IYD: variants seen among roughly 807,000 people sequenced by gnomAD.
IYD encodes the protein iodotyrosine deiodinase.
A neutral mutation model predicts 28.4 loss-of-function variants in IYD; 25 were observed. The ratio of observed to expected loss-of-function variants is 0.88; its 90% CI spans 0.64 to 1.23. The LOEUF is 1.23. IYD is among the 50% of genes most tolerant of loss of function. IYD has a pLI of 0.00. For missense variants in IYD, 352 were observed against 357.9 expected (o/e 0.98, Z 0.13); for synonymous variants, 140 against 130.8 (o/e 1.07, Z -0.48).
In IYD at chr6:150,401,926, C is replaced by A. The variant is rs1778520898; in HGVS notation, c.*3689C>A. On this transcript the variant is annotated 3_prime_UTR_variant, in exon 5 of 5. Coordinates refer to ENST00000344419, the MANE Select transcript of IYD (RefSeq NM_203395.3). ...CCATGGTCCTCATACTTGCTGGCAT[C>A]CCTCATCTGGTGGTCTGTTAAAGCA... is the stretch of plus-strand genomic sequence containing the variant. 2.6e-5 allele frequency: 4 copies of A among 152,196 alleles called. No individual in the cohort carries two copies. Among genetic ancestry groups the A allele is most frequent in the African/African-American group, 7.2e-5 (3 of 41,456 alleles). 9.4% of individuals were successfully genotyped at this position (152,196 alleles called of 1,614,324 possible).
intron 4 of IYD, among the ~76,000 whole-genome samples, chr6:150,397,476 G>A (rs1778362194): frequency 6.6e-6 from 1 of 151,570 alleles, no homozygotes; most frequent in Non-Finnish European, 1.5e-5. Flanking sequence ...AGACTGAGGT[G>A]GGAGGATGGC....
intron 4 of IYD, chr6:150,396,936 A>T (rs1778346320): frequency 6.6e-6 from 1 of 152,396 alleles, no homozygotes; most frequent in African/African-American, 2.4e-5. Context: ...TGAAGATATG[A>T]TCAAGGAGAA....
intron 1 of IYD, among the ~76,000 whole-genome samples, chr6:150,371,092 A>G (rs1777223174): frequency 6.6e-6 from 1 of 152,248 alleles, no homozygotes; most frequent in Admixed American, 6.5e-5. Context: ...CATGCGGTTA[A>G]GAGGAACTGT....
rs138379861 is a variant in IYD, at chr6:150,380,707, T to G, written c.179-8645T>G. On this transcript the variant is annotated intron_variant, in intron 1 of 4. Transcript: ENST00000344419. The stretch of plus-strand genomic sequence containing the variant: ...CCCCCGATTTCCTCTATGTGTTTTC[T>G]TCTTCCACCTCACACCAATTTATCT... Among the ~76,000 whole-genome samples, 4 of 151,558 alleles carry G rather than the reference T, an allele frequency of 2.6e-5. No homozygotes were observed. In the East Asian group the frequency reaches 7.7e-4, roughly 29 times the overall value.
intron 4 of IYD, chr6:150,396,921 C>T (rs1778345137): frequency 6.6e-6 from 1 of 151,508 alleles, no homozygotes; most frequent in African/African-American, 2.4e-5. Context: ...AGTTCAAATA[C>T]TATGTGAAGA....
chr6:150,375,642 C>G (rs1777419283), intron 1 of IYD, among the ~76,000 whole-genome samples: 1 of 151,690 alleles, frequency 6.6e-6, no homozygotes, highest in Non-Finnish European at 1.5e-5. Flanking sequence ...TTGATTATAA[C>G]TACTTCTGTC....
intron 1 of IYD, among the ~76,000 whole-genome samples, chr6:150,377,259 A>G (rs763528244): frequency 3.9e-5 from 6 of 152,186 alleles, no homozygotes; most frequent in Non-Finnish European, 8.8e-5. Flanking sequence ...AATAATCCCT[A>G]GTGGCTCCAC....
intron 1 of IYD, 31 bp downstream of exon 1, chr6:150,369,240 G>A (rs922253795): frequency 7.5e-6 from 12 of 1,603,238 alleles, no homozygotes; most frequent in South Asian, 3.3e-5. Flanking sequence ...GCTTAGCTTC[G>A]CTGTCGTGTT....
chr6:150,390,297 G>T (rs1055093399), intron 2 of IYD, among the ~76,000 whole-genome samples: 1 of 152,126 alleles, frequency 6.6e-6, no homozygotes, highest in Non-Finnish European at 1.5e-5. Context: ...AGATTGTTGA[G>T]TCCTTAGCCT....
chr6:150,400,157 G>A lies in IYD; in HGVS notation c.*1920G>A, dbSNP rs1329180616. ...TCCTGTGGCTCAGGGGCAGCTGCAG[G>A]GCCAGATGGAGTTGGCCTGCAGGGA... On this transcript the variant is annotated 3_prime_UTR_variant, in exon 5 of 5. Transcript: ENST00000344419. The A allele has an allele frequency of 6.6e-6, 1 of 152,160 alleles. No individual in the cohort carries two copies. The highest frequency in any genetic ancestry group is 2.4e-5 in the African/African-American group (1 of 41,442). 9.4% of individuals were successfully genotyped at this position (152,160 alleles called of 1,614,324 possible). A position where few individuals can be genotyped will look rare whatever the true frequency, so the allele number is the denominator to read the frequency against.
At chr6:150,388,627 T>TTTTCTTTCTTTC (rs1178891144) in intron 1 of IYD, among the ~76,000 whole-genome samples, 5,923 of 128,950 alleles carry the variant, frequency 0.046, 192 homozygotes, top group Middle Eastern at 0.06. Flanking sequence ...GTCTGGAGTT[T>TTTTCTTTCTTTC]TTGCTTTCTT....
intron 1 of IYD, among the ~76,000 whole-genome samples, chr6:150,382,041 C>T (rs1777663266): frequency 6.6e-6 from 1 of 152,136 alleles, no homozygotes; most frequent in South Asian, 2.1e-4. Context: ...CCACGCAGAT[C>T]CCCCCTTGAG....
chr6:150,370,183 G>A (rs1476015830), intron 1 of IYD, among the ~76,000 whole-genome samples: 1 of 151,942 alleles, frequency 6.6e-6, no homozygotes, highest in African/African-American at 2.4e-5. Context: ...GTATGTGTGT[G>A]AGAGTGTGTG....
At chr6:150,370,125 C>T (rs1255936773) in intron 1 of IYD, 2 of 682,948 alleles carry the variant, frequency 2.9e-6, no homozygotes, top group Admixed American at 2.1e-5. Context: ...GCTAATGATG[C>T]CCCCATCCCC....
Position 150,398,400 on chromosome 6 carries a change from T to C in IYD, c.*163T>C, listed in dbSNP as rs1388867847. The C allele has an allele frequency of 4.7e-6, 3 of 634,276 alleles. No individual in the cohort carries two copies. Among genetic ancestry groups the C allele is most frequent in the Middle Eastern group, 8.4e-4 (2 of 2,382 alleles). 39.3% of individuals were successfully genotyped at this position (634,276 alleles called of 1,614,324 possible). ...TATGTCAAGAAGCCTCTCCACACTCTGTGGCACTTCCAGTCCCATAAATCC... is the reference window on the plus strand; with the variant it reads ...TATGTCAAGAAGCCTCTCCACACTCCGTGGCACTTCCAGTCCCATAAATCC... On this transcript the variant is annotated 3_prime_UTR_variant, in exon 5 of 5. Coordinates refer to ENST00000344419, the MANE Select transcript of IYD (RefSeq NM_203395.3).
chr6:150,371,037 G>T lies in IYD; in HGVS notation c.178+1828G>T, dbSNP rs764702548. Among the ~76,000 whole-genome samples, 215 of 152,332 alleles carry T rather than the reference G, an allele frequency of 1.4e-3. 1 individual carries two copies. The highest frequency in any genetic ancestry group is 9.3e-4 in the Non-Finnish European group (63 of 68,036). The stretch of plus-strand genomic sequence containing the variant: ...CCTGGAGAAATAATGAATCCACAAA[G>T]TGGGCATTGCTAGAGAGAAGGCTGA... On this transcript the variant is annotated intron_variant, in intron 1 of 4. Transcript: ENST00000344419.
chr6:150,398,686 CTT>C lies in IYD; in HGVS notation c.*460_*461del, dbSNP rs61597872. The C allele has an allele frequency of 0.16, 23,366 of 150,608 alleles. 3,495 individuals are homozygous for C. The highest frequency in any genetic ancestry group is 0.38 in the African/African-American group (15,412 of 40,568). The allele number at this position is 150,608 out of a possible 1,614,324, so 9.3% of individuals were successfully genotyped here. A position where few individuals can be genotyped will look rare whatever the true frequency, so the allele number is the denominator to read the frequency against. Reference sequence around the variant, plus strand: ...TTTAGACACTAATTTTTGAGAACTACTTTTTTTTTTTTACCAAACTTCAGGGA... The same window carrying C: ...TTTAGACACTAATTTTTGAGAACTACTTTTTTTTTTACCAAACTTCAGGGA... On this transcript the variant is annotated 3_prime_UTR_variant, in exon 5 of 5. Coordinates refer to ENST00000344419, the MANE Select transcript of IYD (RefSeq NM_203395.3).
At chr6:150,388,308 C>T (rs1447031904) in intron 1 of IYD, among the ~76,000 whole-genome samples, 2 of 152,098 alleles carry the variant, frequency 1.3e-5, no homozygotes, top group Admixed American at 6.6e-5. Flanking sequence ...TATCTGTCAC[C>T]CTTAATCCCT....
chr6:150,390,829 T>A (rs1344651816), intron 2 of IYD, among the ~76,000 whole-genome samples: 1 of 152,096 alleles, frequency 6.6e-6, no homozygotes, highest in African/African-American at 2.4e-5. Context: ...GATGATGCAC[T>A]GCGAAGCTTT....
Sources: allele counts gnomAD v4.1 joint callset (sites outside exome capture counted in the v4.1 genomes callset), GRCh38; gene constraint gnomAD v4.1.1; transcripts MANE v1.5; gene names NCBI Gene and HGNC (gene_info 2026-07-23, HGNC 2026-07-21).